The following PLA2G4A variants were observed in gnomAD, a reference collection of about 807,000 sequenced individuals.
PLA2G4A encodes cytosolic phospholipase A2.
Under a neutral mutation model 81.9 loss-of-function variants are expected in PLA2G4A, and 40 were observed. The ratio of observed to expected loss-of-function variants is 0.49; its 90% CI spans 0.38 to 0.64. The LOEUF is 0.64. Among genes scored for constraint, PLA2G4A ranks in the 30% least tolerant of loss-of-function variants. The probability of loss-of-function intolerance (pLI) is 0.00; values close to 1 mark genes in which losing one functional copy is unlikely to be tolerated. For synonymous variants in PLA2G4A, 302 were observed against 296.9 expected, an observed-to-expected ratio of 1.02 and a Z score of -0.18; for missense variants, 715 against 905.1, an observed-to-expected ratio of 0.79 and a Z score of 2.69.
intron 16 of PLA2G4A, among the ~76,000 whole-genome samples, chr1:186,978,674 T>C (rs1258989706): frequency 2.6e-5 from 4 of 152,192 alleles, no homozygotes; most frequent in Non-Finnish European, 5.9e-5. Context: ...GCAGTTGGCA[T>C]GTGTAGGGGA....
chr1:186,858,939 GT>G, intron 2 of PLA2G4A, among the ~76,000 whole-genome samples: 1 of 151,250 alleles, frequency 6.6e-6, no homozygotes, highest in African/African-American at 2.4e-5. Context: ...GTGTGTGTGT[GT>G]AAATTGTTTT....
chr1:186,960,015 ATC>A (rs1033268442), intron 14 of PLA2G4A, among the ~76,000 whole-genome samples: 16 of 152,270 alleles, frequency 1.1e-4, no homozygotes, highest in African/African-American at 3.8e-4. Flanking sequence ...AATTAAAGCA[ATC>A]TCTCAACCTA....
chr1:186,922,077 T>A (rs1655372769), intron 7 of PLA2G4A, among the ~76,000 whole-genome samples: 1 of 152,090 alleles, frequency 6.6e-6, no homozygotes, highest in African/African-American at 2.4e-5. Context: ...CTTTTTGAAA[T>A]TTTTCCACAT....
In PLA2G4A at chr1:186,894,172, G is replaced by A. The variant is rs1477017967; in HGVS notation, c.339G>A (p.Lys113=). The change falls in exon 5 of 18, where the codon AAG becomes AAA. Residue 113 remains lysine, a synonymous_variant. Transcript: ENST00000367466. ...GTATFTVSSM[K]VGEKKEVPFI... ...CAACATTTACTGTATCTTCTATGAA[G>A]GTGGGAGAAAAGAAAGAAGTTCCTT... 2.0e-6 allele frequency: 3 copies of A among 1,484,770 alleles called. No individual in the cohort carries two copies. The African/African-American group carries it at 4.1e-5, about 20-fold the overall frequency. 92.0% of individuals were successfully genotyped at this position (1,484,770 alleles called of 1,614,324 possible).
chr1:186,850,820 T>A (rs1652346522), intron 1 of PLA2G4A, among the ~76,000 whole-genome samples: 1 of 152,034 alleles, frequency 6.6e-6, no homozygotes, highest in Non-Finnish European at 1.5e-5. Flanking sequence ...TGATTCACCA[T>A]TTTTTTGCTC....
chr1:186,870,651 A>G (rs1653228228), intron 3 of PLA2G4A, 135 bp downstream of exon 3: 1 of 1,275,514 alleles, frequency 7.8e-7, no homozygotes, highest in Non-Finnish European at 1.1e-6. Flanking sequence ...GAATGATAAC[A>G]TTTCAAACAG....
intron 3 of PLA2G4A, among the ~76,000 whole-genome samples, chr1:186,882,597 C>G (rs372066984): frequency 1.3e-5 from 2 of 151,926 alleles, no homozygotes; most frequent in East Asian, 1.9e-4. Flanking sequence ...AGAGGGAGAA[C>G]CTTGGGTTTG....
chr1:186,976,352 T>A (rs541971421), intron 15 of PLA2G4A, among the ~76,000 whole-genome samples: 1 of 152,326 alleles, frequency 6.6e-6, no homozygotes, highest in East Asian at 1.9e-4. Flanking sequence ...TTATCTCTCT[T>A]CCCTTTCTTT....
At chr1:186,843,994 T>C (rs1162481818) in intron 1 of PLA2G4A, among the ~76,000 whole-genome samples, 1 of 152,134 alleles carries the variant, frequency 6.6e-6, no homozygotes, top group Non-Finnish European at 1.5e-5. Flanking sequence ...GGAATACAAA[T>C]GGAGAGGGAA....
chr1:186,905,446 T>C (rs1654701096), intron 5 of PLA2G4A, among the ~76,000 whole-genome samples: 1 of 152,050 alleles, frequency 6.6e-6, no homozygotes, highest in African/African-American at 2.4e-5. Flanking sequence ...TTCTTCTAAA[T>C]TGCATTGTCT....
Position 186,947,076 on chromosome 1 carries a change from TAATA to T in PLA2G4A, c.1264+117_1264+120del, listed in dbSNP as rs1656372833. The T allele has an allele frequency of 8.8e-6, 6 of 679,236 alleles. No individual in the cohort carries two copies. The South Asian group carries it at 9.0e-5, about 10-fold the overall frequency. 42.1% of individuals were successfully genotyped at this position (679,236 alleles called of 1,614,324 possible). A position where few individuals can be genotyped will look rare whatever the true frequency, so the allele number is the denominator to read the frequency against. On this transcript the variant is annotated intron_variant, in intron 12 of 17. Transcript: ENST00000367466. ...AATATTTCAACTATTCTAAATTTAT[TAATA>T]ATTTGGTTGAATCAATCTAAATATT... is the stretch of plus-strand genomic sequence containing the variant.
At chr1:186,907,827 A>G (rs2102146853) in intron 6 of PLA2G4A, among the ~76,000 whole-genome samples, 2 of 152,378 alleles carry the variant, frequency 1.3e-5, no homozygotes, top group Middle Eastern at 6.8e-3. Context: ...ATAAATGTCC[A>G]CAACCTGTTA....
chr1:186,986,730 C>T (rs903448520), intron 17 of PLA2G4A, among the ~76,000 whole-genome samples: 29 of 152,194 alleles, frequency 1.9e-4, no homozygotes, highest in Admixed American at 1.7e-3. Flanking sequence ...CCAATCCCCA[C>T]AAAACCCCAA....
chr1:186,936,407 C>A (rs1571418285), intron 8 of PLA2G4A, among the ~76,000 whole-genome samples: 1 of 151,932 alleles, frequency 6.6e-6, no homozygotes, highest in Admixed American at 6.6e-5. Context: ...TAGCACAGTG[C>A]CTGACTTTCC....
intron 3 of PLA2G4A, among the ~76,000 whole-genome samples, chr1:186,890,391 C>T (rs1270072445): frequency 6.6e-6 from 1 of 152,082 alleles, no homozygotes; most frequent in South Asian, 2.1e-4. Context: ...CGGTGGAATC[C>T]TAAAAAAGGA....
At chr1:186,913,481 C>G (rs1294507082) in intron 7 of PLA2G4A, among the ~76,000 whole-genome samples, 1 of 151,988 alleles carries the variant, frequency 6.6e-6, no homozygotes, top group Non-Finnish European at 1.5e-5. Context: ...ATCTTTCTAT[C>G]TGAAATCTAC....
At chr1:186,861,320 C>G (rs1054673224) in intron 2 of PLA2G4A, among the ~76,000 whole-genome samples, 2 of 152,174 alleles carry the variant, frequency 1.3e-5, no homozygotes, top group Non-Finnish European at 2.9e-5. Flanking sequence ...AGGAATCTCT[C>G]AAGGCTGTGC....
At chr1:186,864,160 C>T (rs1189986379) in intron 2 of PLA2G4A, among the ~76,000 whole-genome samples, 1 of 152,096 alleles carries the variant, frequency 6.6e-6, no homozygotes, top group African/African-American at 2.4e-5. Flanking sequence ...AATAGTATTC[C>T]ATTGTGTATA....
intron 12 of PLA2G4A, among the ~76,000 whole-genome samples, chr1:186,949,313 AAGAAG>A (rs1656452898): frequency 7.0e-6 from 1 of 143,616 alleles, no homozygotes; most frequent in Non-Finnish European, 1.6e-5. Flanking sequence ...AAGAAAGAGA[AAGAAG>A]GAAGGAAGGA....
Sources: gnomAD v4.1 joint callset for allele counts (sites outside exome capture counted in the v4.1 genomes callset) on GRCh38, gnomAD v4.1.1 for gene constraint, MANE v1.5 for transcripts, NCBI Gene and HGNC (gene_info 2026-07-23, HGNC 2026-07-21) for gene names.